The following TEAD1 variants were observed in gnomAD, a reference collection of about 807,000 sequenced individuals.
The protein encoded by TEAD1 is TEA domain transcription factor 1.
A neutral mutation model predicts 54.9 loss-of-function variants in TEAD1; 9 were observed. The ratio of observed to expected loss-of-function variants is 0.16; its 90% confidence interval spans 0.10 to 0.29. The LOEUF is 0.29. Ranked by LOEUF, TEAD1 falls within the 10% of genes least tolerant of loss-of-function variation. The pLI is 1.00. For missense variants in TEAD1, 387 were observed against 535.9 expected (o/e 0.72, Z 2.74); for synonymous variants, 200 against 187.8 (o/e 1.07, Z -0.53).
intron 2 of TEAD1, among the ~76,000 whole-genome samples, chr11:12,751,241 G>T (rs1384617993): frequency 1.3e-5 from 2 of 150,002 alleles, no homozygotes; most frequent in African/African-American, 2.5e-5. Flanking sequence ...GGCTGAGGCT[G>T]CAGTGAGCTG....
chr11:12,746,722 A>C (rs948076810), intron 2 of TEAD1, among the ~76,000 whole-genome samples: 2 of 152,134 alleles, frequency 1.3e-5, no homozygotes, highest in African/African-American at 4.8e-5. Flanking sequence ...TGGTTTAGGC[A>C]GGCCCACTGT....
chr11:12,743,578 GC>G (rs1944688355), intron 2 of TEAD1, among the ~76,000 whole-genome samples: 1 of 152,152 alleles, frequency 6.6e-6, no homozygotes, highest in African/African-American at 2.4e-5. Flanking sequence ...AGCAGAAACA[GC>G]CCCCTGCTAG....
intron 5 of TEAD1, among the ~76,000 whole-genome samples, chr11:12,877,795 C>A (rs1192351682): frequency 8.5e-6 from 1 of 118,250 alleles, no homozygotes; most frequent in African/African-American, 3.1e-5. Context: ...TTCCTTTTCT[C>A]CTTCATTCTT....
chr11:12,881,113 GCTCTTCCT>G, intron 7 of TEAD1, 62 bp downstream of exon 7: 1 of 1,572,484 alleles, frequency 6.4e-7, no homozygotes, highest in South Asian at 1.1e-5. Flanking sequence ...CGTGGGGAGA[GCTCTTCCT>G]GGACCATAGT....
chr11:12,913,972 C>A (rs970638918), intron 10 of TEAD1, among the ~76,000 whole-genome samples: 5 of 152,194 alleles, frequency 3.3e-5, no homozygotes, highest in Non-Finnish European at 5.9e-5. Context: ...GGGGCCAGCT[C>A]AGCTGGGCAC....
intron 3 of TEAD1, among the ~76,000 whole-genome samples, chr11:12,790,179 A>G (rs1348766125): frequency 2.6e-5 from 4 of 152,120 alleles, no homozygotes; most frequent in Non-Finnish European, 4.4e-5. Context: ...CGTGCTACCT[A>G]CAGTGCCTGC....
chr11:12,863,404 G>A (rs896125419), intron 4 of TEAD1, among the ~76,000 whole-genome samples: 4 of 152,128 alleles, frequency 2.6e-5, no homozygotes, highest in Admixed American at 2.0e-4. Flanking sequence ...AACAAAATTC[G>A]GGTGAAAACA....
intron 9 of TEAD1, among the ~76,000 whole-genome samples, chr11:12,890,939 A>G (rs1948185884): frequency 6.6e-6 from 1 of 151,760 alleles, no homozygotes; most frequent in Non-Finnish European, 1.5e-5. Flanking sequence ...TAATTTTTGT[A>G]TTTTTAGTAG....
chr11:12,725,496 G>GA (rs1395423293), intron 2 of TEAD1, among the ~76,000 whole-genome samples: 1 of 152,134 alleles, frequency 6.6e-6, no homozygotes, highest in Admixed American at 6.5e-5. Context: ...ACATAATAAT[G>GA]ATAAATGCTC....
chr11:12,840,215 C>T (rs1317532075), intron 3 of TEAD1, among the ~76,000 whole-genome samples: 1 of 140,588 alleles, frequency 7.1e-6, no homozygotes, highest in African/African-American at 2.7e-5. Context: ...CCACTGCACT[C>T]CAGCCTGGGC....
chr11:12,891,084 A>C (rs1948188804), intron 9 of TEAD1, among the ~76,000 whole-genome samples: 2 of 152,140 alleles, frequency 1.3e-5, no homozygotes. Context: ...TTTTAAAATC[A>C]ATTAAACTTT....
chr11:12,696,284 G>T (rs1003451145), intron 2 of TEAD1, among the ~76,000 whole-genome samples: 2 of 152,150 alleles, frequency 1.3e-5, no homozygotes, highest in African/African-American at 4.8e-5. Context: ...ACCTTTTCTT[G>T]GATCAAAGTG....
chr11:12,882,009 G>A, intron 8 of TEAD1, 52 bp downstream of exon 8: 1 of 1,584,446 alleles, frequency 6.3e-7, no homozygotes, highest in East Asian at 2.2e-5. Flanking sequence ...ACAGCTGACA[G>A]CTGGGTCTGG....
intron 9 of TEAD1, among the ~76,000 whole-genome samples, chr11:12,890,952 A>T (rs1187388887): frequency 1.3e-5 from 2 of 152,042 alleles, no homozygotes; most frequent in Non-Finnish European, 2.9e-5. Context: ...TTTAGTAGAG[A>T]CAAGGTTTTG....
chr11:12,699,260 T>C (rs1943646963), intron 2 of TEAD1, among the ~76,000 whole-genome samples: 1 of 152,304 alleles, frequency 6.6e-6, no homozygotes, highest in South Asian at 2.1e-4. Flanking sequence ...TTACTGTAGC[T>C]CTATAATGTG....
chr11:12,726,413 G>T (rs1224929059), intron 2 of TEAD1, among the ~76,000 whole-genome samples: 2 of 152,212 alleles, frequency 1.3e-5, no homozygotes, highest in African/African-American at 4.8e-5. Context: ...CATGTAAGAA[G>T]TGGTTGCTCT....
chr11:12,850,812 T>G (rs1157725921), intron 3 of TEAD1, among the ~76,000 whole-genome samples: 1 of 152,210 alleles, frequency 6.6e-6, no homozygotes, highest in East Asian at 1.9e-4. Context: ...AAGACTTTCT[T>G]GGGTTAATGT....
chr11:12,775,768 T>G (rs1945403695), intron 3 of TEAD1, among the ~76,000 whole-genome samples: 1 of 152,226 alleles, frequency 6.6e-6, no homozygotes, highest in Non-Finnish European at 1.5e-5. Context: ...TCGGTTTCTA[T>G]TATGTTTCTG....
intron 3 of TEAD1, among the ~76,000 whole-genome samples, chr11:12,833,373 T>C (rs1398744508): frequency 6.6e-6 from 1 of 152,236 alleles, no homozygotes; most frequent in Non-Finnish European, 1.5e-5. Flanking sequence ...GCCTTCTCTT[T>C]GGCCTCCTTG....
Sources: gnomAD v4.1 joint callset for allele counts (sites outside exome capture counted in the v4.1 genomes callset) on GRCh38, gnomAD v4.1.1 for gene constraint, MANE v1.5 for transcripts, NCBI Gene and HGNC (gene_info 2026-07-23, HGNC 2026-07-21) for gene names.